The following VEPH1 variants were observed in gnomAD, a reference collection of about 807,000 sequenced individuals.
VEPH1 encodes the protein ventricular zone expressed PH domain containing 1, also known as ventricular zone-expressed PH domain-containing protein homolog 1.
In VEPH1, 80 loss-of-function variants were observed where a neutral mutation model predicts 85.2. The observed-to-expected ratio is 0.94, with a 90% confidence interval of 0.78 to 1.13. The LOEUF is 1.13. Among genes scored for constraint, VEPH1 ranks in the 50% most tolerant of loss-of-function variants. The probability of loss-of-function intolerance (pLI) is 0.00; values close to 1 mark genes in which losing one functional copy is unlikely to be tolerated. For missense variants in VEPH1, 955 were observed against 980.5 expected (o/e 0.97, Z 0.35); for synonymous variants, 297 against 348.0 (o/e 0.85, Z 1.63).
At chr3:157,493,718 T>G (rs1407647482) in intron 2 of VEPH1, among the ~76,000 whole-genome samples, 2 of 152,156 alleles carry the variant, frequency 1.3e-5, no homozygotes, top group Non-Finnish European at 2.9e-5. Context: ...GGCTAACCAG[T>G]GGAGTTATAT....
chr3:157,369,305 G>A (rs1454884364), intron 7 of VEPH1, among the ~76,000 whole-genome samples: 1 of 151,414 alleles, frequency 6.6e-6, no homozygotes, highest in Admixed American at 6.6e-5. Context: ...ATGAAATGTG[G>A]AGAGAAGCAG....
chr3:157,468,998 G>C (rs1334207413), intron 3 of VEPH1, among the ~76,000 whole-genome samples: 2 of 152,118 alleles, frequency 1.3e-5, no homozygotes, highest in Admixed American at 6.6e-5. Context: ...GAACCTGCAG[G>C]GGGAGATGGA....
chr3:157,495,803 C>A (rs1308142289), intron 1 of VEPH1, among the ~76,000 whole-genome samples: 3 of 152,180 alleles, frequency 2.0e-5, no homozygotes, highest in African/African-American at 7.2e-5. Flanking sequence ...CAAGGAAAAA[C>A]AACAATCATG....
chr3:157,404,174 C>T (rs1220862070), intron 6 of VEPH1, among the ~76,000 whole-genome samples: 2 of 152,118 alleles, frequency 1.3e-5, no homozygotes, highest in Admixed American at 6.6e-5. Flanking sequence ...AAGTTTCAGT[C>T]TCTATGGAAC....
intron 3 of VEPH1, among the ~76,000 whole-genome samples, chr3:157,468,102 C>A (rs1432480533): frequency 6.6e-6 from 1 of 152,174 alleles, no homozygotes; most frequent in Non-Finnish European, 1.5e-5. Flanking sequence ...TACTTTTGCA[C>A]AAGCTGTTTT....
chr3:157,296,570 C>T (rs1176446991), intron 11 of VEPH1, among the ~76,000 whole-genome samples: 3 of 152,194 alleles, frequency 2.0e-5, no homozygotes, highest in African/African-American at 7.2e-5. Flanking sequence ...TTTAGCTCTT[C>T]AAACTTGGAG....
At chr3:157,336,668 G>T (rs1723001600) in intron 9 of VEPH1, among the ~76,000 whole-genome samples, 1 of 152,096 alleles carries the variant, frequency 6.6e-6, no homozygotes, top group Admixed American at 6.6e-5. Context: ...AGTCTCGCAT[G>T]GAGGATCAGA....
rs779999024 is a variant in VEPH1 at position 157,261,345 on chromosome 3, A to T, written c.2291T>A (p.Ile764Lys). ...KSKDDPDDCP[I>K]ELSKVQSVKA... ...CACACTCTGTACTTTGCTGAGTTCT[A>T]TTGGGCAGTCGTCAGGGTCATCTTT... Residue 764 changes from isoleucine to lysine, a missense_variant, in exon 14 of 14, where the codon ATA becomes AAA. Transcript: ENST00000362010. The T allele has an allele frequency of 1.2e-6, 2 of 1,613,548 alleles. No individual in the cohort carries two copies. Among genetic ancestry groups the T allele is most frequent in the South Asian group, 1.1e-5 (1 of 91,062 alleles).
At position 157,399,944 on chromosome 3, in the gene VEPH1, A is replaced by G. The variant is rs564332094; in HGVS notation, c.906+13937T>C. Among the ~76,000 whole-genome samples, 14 of 152,100 alleles carry G rather than the reference A, an allele frequency of 9.2e-5. No individual in the cohort carries two copies. In the East Asian group the frequency reaches 2.7e-3, roughly 29 times the overall value. On this transcript the variant is annotated intron_variant, in intron 6 of 13. Transcript: ENST00000362010. Reference sequence around the variant, plus strand: ...GTCACTTTCTTCAATTCTTTCTTTTATTTTTTGATTGTGTCTCAATTTTTC... The same window carrying G: ...GTCACTTTCTTCAATTCTTTCTTTTGTTTTTTGATTGTGTCTCAATTTTTC...
At chr3:157,444,595 ATGACT>A (rs1056040270) in intron 4 of VEPH1, among the ~76,000 whole-genome samples, 2 of 152,166 alleles carry the variant, frequency 1.3e-5, no homozygotes, top group Non-Finnish European at 2.9e-5. Flanking sequence ...CATTGTCTAT[ATGACT>A]TGAACTCCCA....
At chr3:157,272,427 CTT>C (rs1714809864) in intron 12 of VEPH1, among the ~76,000 whole-genome samples, 1 of 130,764 alleles carries the variant, frequency 7.6e-6, no homozygotes. Flanking sequence ...TTCTTTCTTT[CTT>C]TCTTTCTTTC....
intron 4 of VEPH1, 67 bp from the exon 5 acceptor site, chr3:157,428,555 A>G: frequency 1.3e-6 from 2 of 1,493,790 alleles, no homozygotes; most frequent in Non-Finnish European, 1.8e-6. Context: ...TAACATTATT[A>G]CCAATGTAAT....
intron 9 of VEPH1, among the ~76,000 whole-genome samples, chr3:157,358,785 C>T (rs1725729360): frequency 6.6e-6 from 1 of 152,164 alleles, no homozygotes; most frequent in African/African-American, 2.4e-5. Context: ...ATCACGAGGT[C>T]AGGAGATTGA....
intron 11 of VEPH1, among the ~76,000 whole-genome samples, chr3:157,291,878 G>T (rs1341197601): frequency 6.6e-6 from 1 of 152,104 alleles, no homozygotes; most frequent in Non-Finnish European, 1.5e-5. Context: ...CAGTGTTCAT[G>T]TCTATTCAAC....
At chr3:157,392,392 GA>G (rs1483365969) in intron 6 of VEPH1, among the ~76,000 whole-genome samples, 1 of 152,136 alleles carries the variant, frequency 6.6e-6, no homozygotes, top group African/African-American at 2.4e-5. Flanking sequence ...ACTATCACGA[GA>G]ACAGCATGGG....
chr3:157,269,232 A>G (rs1292119123), intron 12 of VEPH1, among the ~76,000 whole-genome samples: 1 of 152,222 alleles, frequency 6.6e-6, no homozygotes, highest in East Asian at 1.9e-4. Flanking sequence ...GTTTACAATG[A>G]ACACTGGGCA....
At chr3:157,330,936 C>T (rs1722430407) in intron 9 of VEPH1, among the ~76,000 whole-genome samples, 1 of 152,178 alleles carries the variant, frequency 6.6e-6, no homozygotes, top group African/African-American at 2.4e-5. Context: ...CCTGGTGGGA[C>T]CCACCCCATC....
intron 6 of VEPH1, among the ~76,000 whole-genome samples, chr3:157,393,878 A>T (rs2108935680): frequency 6.6e-6 from 1 of 152,172 alleles, no homozygotes; most frequent in East Asian, 1.9e-4. Context: ...GACTTTTGTT[A>T]CCTCCGGTTT....
intron 9 of VEPH1, among the ~76,000 whole-genome samples, chr3:157,321,573 A>G (rs970453082): frequency 6.6e-5 from 10 of 152,234 alleles, no homozygotes; most frequent in Non-Finnish European, 1.3e-4. Context: ...CAGATGCCAG[A>G]GCCTATTCTC....
Sources: allele counts gnomAD v4.1 joint callset (sites outside exome capture counted in the v4.1 genomes callset), GRCh38; gene constraint gnomAD v4.1.1; transcripts MANE v1.5; gene names NCBI Gene and HGNC (gene_info 2026-07-23, HGNC 2026-07-21).